Variants in CDH7 observed in about 807,000 individuals in gnomAD.
The protein encoded by CDH7 is cadherin-7.
Under a neutral mutation model 71.8 loss-of-function variants are expected in CDH7, and 25 were observed. The ratio of observed to expected loss-of-function variants is 0.35; its 90% CI spans 0.25 to 0.49. CDH7 has a LOEUF of 0.49. CDH7 is among the 20% of genes least tolerant of loss of function. The probability of loss-of-function intolerance (pLI) is 0.99; values close to 1 mark genes in which losing one functional copy is unlikely to be tolerated. For synonymous variants in CDH7, 381 were observed against 363.8 expected (o/e 1.05, Z -0.54); for missense variants, 862 against 974.6 (o/e 0.88, Z 1.54).
At chr18:65,814,053 A>G (rs1911636595) in intron 3 of CDH7, among the ~76,000 whole-genome samples, 1 of 152,176 alleles carries the variant, frequency 6.6e-6, no homozygotes, top group South Asian at 2.1e-4. Context: ...CTTAACTATG[A>G]CAGTTGTATA....
chr18:65,795,057 A>G lies in CDH7; in HGVS notation c.211-14647A>G, dbSNP rs118051763. ...GGTTGCAAATATGAAGTAAAGTAGT[A>G]TAAGGAACAGAGAAATAGTAGTGAT... On this transcript the variant is annotated intron_variant, in intron 2 of 11. Transcript: ENST00000397968. Among the ~76,000 whole-genome samples, 881 of 152,288 alleles carry G rather than the reference A, an allele frequency of 5.8e-3. 9 individuals carry two copies. Among genetic ancestry groups the G allele is most frequent in the Non-Finnish European group, 9.5e-3 (645 of 68,020 alleles).
At chr18:65,763,443 T>C (rs948678031) in intron 2 of CDH7, among the ~76,000 whole-genome samples, 2 of 152,130 alleles carry the variant, frequency 1.3e-5, no homozygotes, top group African/African-American at 4.8e-5. Context: ...TGGGGTATTA[T>C]TAAAATGATG....
intron 11 of CDH7, among the ~76,000 whole-genome samples, chr18:65,864,363 A>C (rs1913684062): frequency 6.6e-6 from 1 of 151,814 alleles, no homozygotes; most frequent in African/African-American, 2.4e-5. Context: ...AAACATTATG[A>C]AATGTTTTGC....
chr18:65,829,880 AT>A (rs1370261747), intron 6 of CDH7, among the ~76,000 whole-genome samples: 1 of 148,036 alleles, frequency 6.8e-6, no homozygotes, highest in South Asian at 2.1e-4. Context: ...AAATATTCTG[AT>A]TTTTTTCATA....
In CDH7 at chr18:65,862,691, G is replaced by A. The variant is rs754201689; in HGVS notation, c.1638G>A (p.Arg546=). 37 of 1,614,124 alleles carry A rather than the reference G, an allele frequency of 2.3e-5. 2 individuals carry two copies. In the South Asian group the frequency reaches 3.8e-4, roughly 17 times the overall value. ...NKDNTASILT[R]RNGFRRQEQS... ...ACAACACAGCCTCAATACTGACCAGGAGAAACGGCTTCCGGAGACAGGAAC... is the reference window on the plus strand; with the variant it reads ...ACAACACAGCCTCAATACTGACCAGAAGAAACGGCTTCCGGAGACAGGAAC... The change falls in exon 11 of 12, where the codon AGG becomes AGA. Residue 546 remains arginine (R), a synonymous_variant. Coordinates refer to ENST00000397968, the MANE Select transcript of CDH7 (RefSeq NM_004361.5).
At chr18:65,852,111 A>G (rs1913170902) in intron 7 of CDH7, among the ~76,000 whole-genome samples, 1 of 152,146 alleles carries the variant, frequency 6.6e-6, no homozygotes, top group African/African-American at 2.4e-5. Flanking sequence ...ACCACTTAAT[A>G]CATCAGTTTG....
chr18:65,885,579 C>T lies in CDH7; in HGVS notation c.*4685C>T, dbSNP rs1568238291. 2 of 151,378 alleles carry T rather than the reference C, an allele frequency of 1.3e-5. No homozygotes were observed. Among genetic ancestry groups the T allele is most frequent in the African/African-American group, 4.9e-5 (2 of 41,232 alleles). 9.4% of individuals were successfully genotyped at this position (151,378 alleles called of 1,614,324 possible). A position where few individuals can be genotyped will look rare whatever the true frequency, so the allele number is the denominator to read the frequency against. ...ATTTTTAGTACAGACGGGGTTTCAC[C>T]GTGGTCTCGATCTCCTGACCTCGTG... On this transcript the variant is annotated 3_prime_UTR_variant, in exon 12 of 12. Coordinates refer to ENST00000397968, the MANE Select transcript of CDH7 (RefSeq NM_004361.5).
chr18:65,781,835 T>C (rs1255601849), intron 2 of CDH7, among the ~76,000 whole-genome samples: 19 of 84,800 alleles, frequency 2.2e-4, no homozygotes, highest in African/African-American at 8.2e-4. Flanking sequence ...TCTTTCTTTC[T>C]TTCTTTCTTT....
intron 6 of CDH7, among the ~76,000 whole-genome samples, chr18:65,839,494 G>T (rs1912651590): frequency 6.6e-6 from 1 of 152,140 alleles, no homozygotes; most frequent in Non-Finnish European, 1.5e-5. Context: ...GCATCACCTT[G>T]GGGGTTAGGA....
At chr18:65,870,963 T>C (rs1348155230) in intron 11 of CDH7, among the ~76,000 whole-genome samples, 1 of 152,136 alleles carries the variant, frequency 6.6e-6, no homozygotes, top group East Asian at 1.9e-4. Flanking sequence ...CTACTGAAAA[T>C]TTTGCAACCT....
At chr18:65,837,683 G>A (rs1278478440) in intron 6 of CDH7, among the ~76,000 whole-genome samples, 2 of 151,642 alleles carry the variant, frequency 1.3e-5, no homozygotes, top group East Asian at 3.9e-4. Context: ...AAAGAAACCT[G>A]TTTAAATTTA....
At position 65,864,412 on chromosome 18, in the gene CDH7, T is replaced by G. The variant is rs143306249; in HGVS notation, c.1864+1495T>G. On this transcript the variant is annotated intron_variant, in intron 11 of 11. Coordinates refer to ENST00000397968, the MANE Select transcript of CDH7 (RefSeq NM_004361.5). Reference sequence around the variant, plus strand: ...TTTGTTTTTTGTTTTGTTTTGTTTTTTTTTTTTGCTCACCAGATATTGTTA... The same window carrying G: ...TTTGTTTTTTGTTTTGTTTTGTTTTGTTTTTTTGCTCACCAGATATTGTTA... Among the ~76,000 whole-genome samples, 330 of 151,666 alleles carry G rather than the reference T, an allele frequency of 2.2e-3. 1 individual carries two copies. The highest frequency in any genetic ancestry group is 5.4e-3 in the African/African-American group (224 of 41,480).
Position 65,859,301 on chromosome 18 carries a change from T to G in CDH7, c.1494+255T>G, listed in dbSNP as rs190087257. ...CTGTTAAATGGCTAAGAACTTAGAC[T>G]CCTTTCGGAGAAAGACAGCATAGTA... On this transcript the variant is annotated intron_variant, in intron 9 of 11. Coordinates refer to ENST00000397968, the MANE Select transcript of CDH7 (RefSeq NM_004361.5). Among the ~76,000 whole-genome samples the G allele has an allele frequency of 2.0e-5, 3 of 152,304 alleles. No homozygotes were observed. The East Asian group carries it at 5.8e-4, about 29-fold the overall frequency.
intron 7 of CDH7, among the ~76,000 whole-genome samples, chr18:65,846,979 G>A (rs1912954911): frequency 6.6e-6 from 1 of 152,042 alleles, no homozygotes; most frequent in East Asian, 1.9e-4. Context: ...AAGAGACATA[G>A]CATTTTATAT....
intron 2 of CDH7, among the ~76,000 whole-genome samples, chr18:65,788,392 A>G (rs1361876237): frequency 6.6e-6 from 1 of 152,234 alleles, no homozygotes; most frequent in African/African-American, 2.4e-5. Flanking sequence ...CATCCTAAGT[A>G]ACATATAAAA....
chr18:65,786,557 G>A (rs1216607008), intron 2 of CDH7, among the ~76,000 whole-genome samples: 2 of 152,226 alleles, frequency 1.3e-5, no homozygotes, highest in Middle Eastern at 3.4e-3. Context: ...TTAATATAAT[G>A]TCTGTGATGG....
intron 6 of CDH7, among the ~76,000 whole-genome samples, chr18:65,831,846 C>T (rs1252621773): frequency 4.0e-5 from 6 of 151,422 alleles, no homozygotes; most frequent in Non-Finnish European, 8.8e-5. Flanking sequence ...CCTTTTATTA[C>T]CCCAGAGTAT....
At chr18:65,811,453 G>T (rs1911531877) in intron 3 of CDH7, among the ~76,000 whole-genome samples, 1 of 152,138 alleles carries the variant, frequency 6.6e-6, no homozygotes, top group Non-Finnish European at 1.5e-5. Flanking sequence ...ACAGTGGCAT[G>T]ATCTTACTAT....
At chr18:65,830,882 C>T (rs996159850) in intron 6 of CDH7, among the ~76,000 whole-genome samples, 5 of 151,656 alleles carry the variant, frequency 3.3e-5, no homozygotes, top group African/African-American at 9.7e-5. Flanking sequence ...GCTTAGTGAT[C>T]GTTGCTTCAC....
Sources: allele counts gnomAD v4.1 joint callset (sites outside exome capture counted in the v4.1 genomes callset), GRCh38; gene constraint gnomAD v4.1.1; transcripts MANE v1.5; gene names NCBI Gene and HGNC (gene_info 2026-07-23, HGNC 2026-07-21).